Variants in AFF3 observed in about 807,000 individuals in gnomAD.
AFF3 encodes the protein AF4/FMR2 family member 3.
In AFF3, 32 loss-of-function variants were observed where a neutral mutation model predicts 129.7. The observed-to-expected ratio is 0.25, with a 90% CI of 0.19 to 0.33. The LOEUF is 0.33. Ranked by LOEUF, AFF3 falls within the 10% of genes least tolerant of loss-of-function variation. The pLI, the probability that AFF3 is intolerant of heterozygous loss-of-function variation, is 1.00. For synonymous variants in AFF3, 644 were observed against 635.4 expected, an observed-to-expected ratio of 1.01 and a Z score of -0.20; for missense variants, 1,373 against 1,592.0, an observed-to-expected ratio of 0.86 and a Z score of 2.34.
chr2:99,576,577 T>A (rs1334536854), intron 18 of AFF3, among the ~76,000 whole-genome samples: 1 of 152,004 alleles, frequency 6.6e-6, no homozygotes, highest in Admixed American at 6.6e-5. Context: ...ATTTAGTTGT[T>A]GCTGTTTCTG....
intron 8 of AFF3, among the ~76,000 whole-genome samples, chr2:99,803,841 C>G (rs1449121748): frequency 6.6e-6 from 1 of 152,104 alleles, no homozygotes; most frequent in African/African-American, 2.4e-5. Context: ...AAAGGACACC[C>G]TATTCAATAA....
chr2:99,830,029 A>G (rs1688400537), intron 8 of AFF3, among the ~76,000 whole-genome samples: 2 of 152,180 alleles, frequency 1.3e-5, no homozygotes, highest in African/African-American at 4.8e-5. Context: ...AGAACAGAAA[A>G]CCAAACACTG....
At chr2:99,832,581 A>G (rs1688585579) in intron 8 of AFF3, among the ~76,000 whole-genome samples, 1 of 152,234 alleles carries the variant, frequency 6.6e-6, no homozygotes. Flanking sequence ...TTTCACCCCA[A>G]AGGATTAGCA....
At chr2:99,604,615 G>A (rs1234901824) in intron 13 of AFF3, among the ~76,000 whole-genome samples, 1 of 152,122 alleles carries the variant, frequency 6.6e-6, no homozygotes, top group African/African-American at 2.4e-5. Context: ...TCCTGCACAG[G>A]TGCCCCTTAA....
At chr2:100,114,320 T>C (rs188541642) in intron 2 of AFF3, among the ~76,000 whole-genome samples, 20 of 152,314 alleles carry the variant, frequency 1.3e-4, no homozygotes, top group African/African-American at 4.8e-4. Flanking sequence ...TAGACAAAGA[T>C]AGCACCCTTC....
At chr2:99,973,692 T>C (rs9308831) in intron 7 of AFF3, among the ~76,000 whole-genome samples, 15,759 of 152,202 alleles carry the variant, frequency 0.1, 1,029 homozygotes, top group Non-Finnish European at 0.13. Flanking sequence ...ATCTTCAGTT[T>C]TTTTTTCCTT....
At position 99,902,812 on chromosome 2, in the gene AFF3, G is replaced by A. The variant is rs117554865; in HGVS notation, c.874-65288C>T. Among the ~76,000 whole-genome samples the A allele has an allele frequency of 7.7e-4, 117 of 152,240 alleles. 4 individuals carry two copies. In the East Asian group the frequency reaches 0.015, roughly 19 times the overall value. On this transcript the variant is annotated intron_variant, in intron 7 of 24. Coordinates refer to ENST00000672756, the MANE Select transcript of AFF3 (RefSeq NM_001386135.1). The stretch of plus-strand genomic sequence containing the variant: ...ACACACTGCCAACATCCTACATAAT[G>A]CAAACACTGAGATGATTAAGCTGTC...
intron 7 of AFF3, among the ~76,000 whole-genome samples, chr2:99,892,790 T>C (rs1693670881): frequency 6.6e-6 from 1 of 152,232 alleles, no homozygotes; most frequent in African/African-American, 2.4e-5. Flanking sequence ...AGGCCCTGAC[T>C]GCTCCCACAG....
At chr2:99,893,457 G>A (rs909662484) in intron 7 of AFF3, among the ~76,000 whole-genome samples, 37 of 152,168 alleles carry the variant, frequency 2.4e-4, no homozygotes, top group African/African-American at 8.9e-4. Flanking sequence ...CCTTTGGGAG[G>A]TAATTCGGGT....
intron 7 of AFF3, among the ~76,000 whole-genome samples, chr2:99,868,634 T>C (rs989271454): frequency 6.6e-5 from 10 of 152,310 alleles, no homozygotes; most frequent in Admixed American, 3.3e-4. Context: ...CAGAGGCTTT[T>C]TGAGCATTTT....
intron 7 of AFF3, among the ~76,000 whole-genome samples, chr2:99,947,888 G>T (rs111621091): frequency 4.6e-5 from 7 of 152,076 alleles, no homozygotes; most frequent in Non-Finnish European, 8.8e-5. Context: ...TTTTCTCAGC[G>T]CTGGAATAAA....
intron 7 of AFF3, among the ~76,000 whole-genome samples, chr2:99,855,352 G>C (rs945233086): frequency 6.6e-6 from 1 of 152,112 alleles, no homozygotes; most frequent in African/African-American, 2.4e-5. Flanking sequence ...AAAAAATTAA[G>C]AGAATACACA....
Position 99,554,494 on chromosome 2 carries a change from G to A in AFF3, c.3376C>T (p.Pro1126Ser). The part of the protein sequence containing the change: ...TPSPMSPNPS[P>S]ASSVGSQGSL... ...CCCTGAGACCCCACGGAGCTGGCGG[G>A]AGAGGGGTTGGGAGACATGGGGGAT... The change falls in exon 24 of 25, where the codon CCC becomes TCC. Residue 1126 changes from proline to serine, a missense_variant. This residue lies in a region of AFF3 where 165 missense variants were observed against 234.0 expected (regional missense o/e 0.71). Coordinates refer to ENST00000672756, the MANE Select transcript of AFF3 (RefSeq NM_001386135.1). 2 of 1,613,820 alleles carry A rather than the reference G, an allele frequency of 1.2e-6. No homozygotes were observed. The highest frequency in any genetic ancestry group is 1.1e-5 in the South Asian group (1 of 91,070).
intron 10 of AFF3, among the ~76,000 whole-genome samples, chr2:99,739,013 ATTTTT>A (rs55856427): frequency 7.2e-6 from 1 of 138,348 alleles, no homozygotes; most frequent in African/African-American, 2.7e-5. Context: ...GAACTGTTCA[ATTTTT>A]TTTTTTTTTA....
chr2:99,767,747 G>A (rs1326579881), intron 8 of AFF3, among the ~76,000 whole-genome samples: 1 of 152,148 alleles, frequency 6.6e-6, no homozygotes, highest in Non-Finnish European at 1.5e-5. Context: ...CACGAGGTCA[G>A]GAGATTGAGA....
chr2:99,912,952 A>C (rs1182769126), intron 7 of AFF3, among the ~76,000 whole-genome samples: 1 of 152,174 alleles, frequency 6.6e-6, no homozygotes, highest in East Asian at 1.9e-4. Context: ...AATAGACAAG[A>C]GAAAGGAAAA....
At chr2:99,650,025 A>C (rs754087517) in intron 12 of AFF3, among the ~76,000 whole-genome samples, 3 of 152,184 alleles carry the variant, frequency 2.0e-5, no homozygotes, top group Non-Finnish European at 4.4e-5. Context: ...CCTTTCCTAT[A>C]AGAAAACAAA....
intron 13 of AFF3, among the ~76,000 whole-genome samples, chr2:99,605,202 T>G (rs1307520483): frequency 5.3e-5 from 8 of 152,234 alleles, no homozygotes; most frequent in Admixed American, 5.2e-4. Flanking sequence ...AATTACGAAA[T>G]TCACTTAAAA....
At chr2:99,871,992 G>C (rs1309906373) in intron 7 of AFF3, among the ~76,000 whole-genome samples, 1 of 151,936 alleles carries the variant, frequency 6.6e-6, no homozygotes, top group Non-Finnish European at 1.5e-5. Context: ...TGGATCATGA[G>C]GTCAGGAGAT....
Sources: gnomAD v4.1 joint callset for allele counts (sites outside exome capture counted in the v4.1 genomes callset) on GRCh38, gnomAD v4.1.1 for gene constraint, gnomAD v4.1.1 regional missense constraint, MANE v1.5 for transcripts, NCBI Gene and HGNC (gene_info 2026-07-23, HGNC 2026-07-21) for gene names.